Variants in CHD9 observed in about 807,000 individuals in gnomAD.
CHD9 encodes the protein chromodomain helicase DNA binding protein 9, also known as ATP-dependent chromatin remodeler CHD9.
Under a neutral mutation model 316.1 loss-of-function variants are expected in CHD9, and 77 were observed. The ratio of observed to expected loss-of-function variants is 0.24; its 90% CI spans 0.20 to 0.29. CHD9 has a LOEUF of 0.29. CHD9 is among the 10% of genes least tolerant of loss of function. CHD9 has a pLI of 1.00. For missense variants in CHD9, 2,763 were observed against 3,438.1 expected, an observed-to-expected ratio of 0.80 and a Z score of 4.91; for synonymous variants, 1,129 against 1,158.3, an observed-to-expected ratio of 0.97 and a Z score of 0.51.
intron 1 of CHD9, among the ~76,000 whole-genome samples, chr16:53,091,183 G>A (rs2035913653): frequency 6.6e-6 from 1 of 152,194 alleles, no homozygotes; most frequent in South Asian, 2.1e-4. Context: ...TTCTTGGAAG[G>A]AAGCCTGGGA....
intron 29 of CHD9, among the ~76,000 whole-genome samples, chr16:53,294,667 G>A (rs1567637745): frequency 6.6e-6 from 1 of 152,262 alleles, no homozygotes; most frequent in South Asian, 2.1e-4. Context: ...CCCAGTCTCA[G>A]TAGTTACAAA....
intron 2 of CHD9, among the ~76,000 whole-genome samples, chr16:53,198,838 A>T (rs752232434): frequency 3.9e-5 from 6 of 152,192 alleles, no homozygotes; most frequent in Non-Finnish European, 8.8e-5. Context: ...AACGCCTAGG[A>T]TATTTAAGGA....
At chr16:53,159,189 A>G (rs1421253394) in intron 2 of CHD9, among the ~76,000 whole-genome samples, 1 of 152,098 alleles carries the variant, frequency 6.6e-6, no homozygotes, top group Non-Finnish European at 1.5e-5. Flanking sequence ...GGCTGAGGTG[A>G]GCAGATAGCT....
At chr16:53,238,737 G>A (rs959011007) in intron 12 of CHD9, among the ~76,000 whole-genome samples, 151 bp downstream of exon 12, 21 of 152,070 alleles carry the variant, frequency 1.4e-4, no homozygotes, top group African/African-American at 5.1e-4. Flanking sequence ...TTATTTTACA[G>A]TAAATTTGAG....
intron 4 of CHD9, 87 bp from the exon 5 acceptor site, chr16:53,226,279 C>A: frequency 3.6e-6 from 3 of 841,344 alleles, no homozygotes; most frequent in Non-Finnish European, 5.2e-6. Context: ...ATTTAATATA[C>A]AAAATTGCCA....
At chr16:53,114,712 C>T (rs1432658936) in intron 1 of CHD9, among the ~76,000 whole-genome samples, 3 of 152,164 alleles carry the variant, frequency 2.0e-5, no homozygotes, top group Non-Finnish European at 2.9e-5. Flanking sequence ...CTCAGCCTCG[C>T]GAGTAGCTGG....
At chr16:53,074,607 C>T (rs1375175181) in intron 1 of CHD9, among the ~76,000 whole-genome samples, 4 of 152,156 alleles carry the variant, frequency 2.6e-5, no homozygotes, top group African/African-American at 9.7e-5. Context: ...CCACTCCAGC[C>T]GTGGGTGAAA....
intron 19 of CHD9, among the ~76,000 whole-genome samples, chr16:53,262,287 G>A (rs1236068612): frequency 2.0e-5 from 3 of 152,022 alleles, no homozygotes; most frequent in Non-Finnish European, 4.4e-5. Context: ...GTAAATAATG[G>A]TTATTAGAAC....
At chr16:53,302,644 G>A (rs2055551080) in intron 30 of CHD9, among the ~76,000 whole-genome samples, 2 of 152,062 alleles carry the variant, frequency 1.3e-5, no homozygotes, top group Admixed American at 6.6e-5. Context: ...AGTTTTTTCT[G>A]TGGAATTCTG....
At chr16:53,318,040 G>C (rs749130180) in intron 36 of CHD9, among the ~76,000 whole-genome samples, 172 bp from the exon 37 acceptor site, 3 of 151,970 alleles carry the variant, frequency 2.0e-5, no homozygotes, top group African/African-American at 7.3e-5. Flanking sequence ...CTGGGCAACA[G>C]AGCAAGACCC....
intron 24 of CHD9, among the ~76,000 whole-genome samples, chr16:53,274,565 C>G (rs1283734780): frequency 2.6e-5 from 4 of 152,234 alleles, no homozygotes; most frequent in Middle Eastern, 6.8e-3. Flanking sequence ...AAGCAATTCT[C>G]CTGCCTCAGC....
intron 3 of CHD9, among the ~76,000 whole-genome samples, chr16:53,220,864 C>T (rs1329794655): frequency 6.6e-6 from 1 of 152,178 alleles, no homozygotes; most frequent in East Asian, 1.9e-4. Flanking sequence ...GTGGTATCCC[C>T]CTACCTGGAA....
intron 1 of CHD9, among the ~76,000 whole-genome samples, chr16:53,143,892 A>C (rs899603516): frequency 1.1e-4 from 16 of 152,304 alleles, no homozygotes; most frequent in African/African-American, 3.8e-4. Flanking sequence ...TGATACGCCC[A>C]CAGTTAATGT....
chr16:53,256,520 G>T (rs1359109641), intron 19 of CHD9, among the ~76,000 whole-genome samples: 3 of 149,204 alleles, frequency 2.0e-5, no homozygotes, highest in South Asian at 2.1e-4. Flanking sequence ...ACGGGGTTTC[G>T]CCATGTTAGC....
At position 53,291,775 on chromosome 16, in the gene CHD9, G is replaced by T. The variant is rs772568456; in HGVS notation, c.5290+8G>T. ...TTGTTATAGCAGATGGAGGTAAATTGCACGTACTTCTGTACTTAGTATTAT... is the reference window on the plus strand; with the variant it reads ...TTGTTATAGCAGATGGAGGTAAATTTCACGTACTTCTGTACTTAGTATTAT... On this transcript the variant is annotated splice_region_variant and intron_variant, in intron 28 of 38. Transcript: ENST00000447540. 2.6e-6 allele frequency: 4 copies of T among 1,525,170 alleles called. No individual in the cohort carries two copies. Among genetic ancestry groups the T allele is most frequent in the Non-Finnish European group, 2.7e-6 (3 of 1,127,952 alleles). The allele number at this position is 1,525,170 out of a possible 1,614,324, so 94.5% of individuals were successfully genotyped here.
chr16:53,230,681 G>C (rs747165020), intron 8 of CHD9, among the ~76,000 whole-genome samples: 166 of 152,294 alleles, frequency 1.1e-3, no homozygotes, highest in Non-Finnish European at 1.8e-3. Context: ...TTATATTTGA[G>C]AAAGATTACT....
At chr16:53,220,995 A>G (rs917560593) in intron 3 of CHD9, among the ~76,000 whole-genome samples, 9 of 152,186 alleles carry the variant, frequency 5.9e-5, no homozygotes, top group African/African-American at 1.7e-4. Context: ...TTGTGTTCAC[A>G]TTGCATCCTG....
intron 1 of CHD9, among the ~76,000 whole-genome samples, chr16:53,067,559 A>C (rs1267668289): frequency 2.6e-5 from 4 of 152,074 alleles, no homozygotes; most frequent in Non-Finnish European, 5.9e-5. Context: ...TGGTTTTGAT[A>C]ACCTGGAGAG....
intron 2 of CHD9, among the ~76,000 whole-genome samples, chr16:53,202,915 A>G (rs941150421): frequency 2.6e-5 from 4 of 152,206 alleles, no homozygotes; most frequent in African/African-American, 9.6e-5. Context: ...TTCCACTTCC[A>G]TGAAAAACTC....
Sources: allele counts gnomAD v4.1 joint callset (sites outside exome capture counted in the v4.1 genomes callset), GRCh38; gene constraint gnomAD v4.1.1; transcripts MANE v1.5; gene names NCBI Gene and HGNC (gene_info 2026-07-23, HGNC 2026-07-21).